PLXNA4: variants seen among roughly 807,000 people sequenced by gnomAD.
PLXNA4 encodes plexin A4, also known as plexin-A4.
PLXNA4 carries 44 observed loss-of-function variants against 191.8 expected under a neutral mutation model. The observed-to-expected ratio is 0.23, with a 90% CI of 0.18 to 0.29. PLXNA4 has a LOEUF of 0.29. Among genes scored for constraint, PLXNA4 ranks in the 10% least tolerant of loss-of-function variants. The pLI, the probability that PLXNA4 is intolerant of heterozygous loss-of-function variation, is 1.00. For missense variants in PLXNA4, 1,800 were observed against 2,488.8 expected (o/e 0.72, Z 5.89); for synonymous variants, 1,082 against 1,009.5 (o/e 1.07, Z -1.36).
At chr7:132,527,209 C>T (rs1799432483) in intron 1 of PLXNA4, among the ~76,000 whole-genome samples, 1 of 152,138 alleles carries the variant, frequency 6.6e-6, no homozygotes, top group African/African-American at 2.4e-5. Context: ...AATCTTTAGA[C>T]AAGAGCTGAG....
chr7:132,482,270 G>A (rs964096005), intron 3 of PLXNA4, among the ~76,000 whole-genome samples: 1 of 152,182 alleles, frequency 6.6e-6, no homozygotes, highest in African/African-American at 2.4e-5. Context: ...AAAAGACAAT[G>A]GCTTGCACCT....
intron 3 of PLXNA4, 52 bp from the exon 4 acceptor site, chr7:132,298,274 C>T: frequency 1.3e-6 from 2 of 1,564,150 alleles, no homozygotes; most frequent in Non-Finnish European, 1.7e-6. Context: ...GCACTGCCCA[C>T]AGCCAAACTT....
intron 1 of PLXNA4, among the ~76,000 whole-genome samples, chr7:132,564,850 G>A (rs748514347): frequency 1.1e-4 from 17 of 151,982 alleles, no homozygotes; most frequent in South Asian, 2.1e-4. Context: ...AGATCCCCCC[G>A]GGGACCCAGG....
intron 1 of PLXNA4, among the ~76,000 whole-genome samples, chr7:132,575,962 G>A (rs956305087): frequency 6.6e-6 from 1 of 152,132 alleles, no homozygotes; most frequent in African/African-American, 2.4e-5. Flanking sequence ...AAATCCCAGG[G>A]TGTCCAAAGG....
rs530157062 is a variant in PLXNA4 at position 132,214,546 on chromosome 7, T to A, written c.2098-3403A>T. ...CATGAAGGGACCACTTCCACCACCCTGCCCCTTCCTCCCACCCCAGCATCC... is the reference window on the plus strand; with the variant it reads ...CATGAAGGGACCACTTCCACCACCCAGCCCCTTCCTCCCACCCCAGCATCC... On this transcript the variant is annotated intron_variant, in intron 9 of 31. Transcript: ENST00000321063. Among the ~76,000 whole-genome samples, 9 of 152,160 alleles carry A rather than the reference T, an allele frequency of 5.9e-5. No individual in the cohort carries two copies. In the East Asian group the frequency reaches 1.6e-3, roughly 26 times the overall value.
intron 4 of PLXNA4, among the ~76,000 whole-genome samples, chr7:132,272,567 C>T (rs913248138): frequency 4.6e-5 from 7 of 152,170 alleles, no homozygotes; most frequent in African/African-American, 1.4e-4. Context: ...TAAATCAAGT[C>T]AGTTGGTCTC....
chr7:132,123,773 C>T lies in PLXNA4; in HGVS notation c.*6706G>A, dbSNP rs185000981. 4.6e-5 allele frequency: 7 copies of T among 152,296 alleles called. No individual in the cohort carries two copies. In the East Asian group the frequency reaches 1.4e-3, roughly 29 times the overall value. The allele number at this position is 152,296 out of a possible 1,614,324, so 9.4% of individuals were successfully genotyped here. A position where few individuals can be genotyped will look rare whatever the true frequency, so the allele number is the denominator to read the frequency against. On this transcript the variant is annotated 3_prime_UTR_variant, in exon 32 of 32. Coordinates refer to ENST00000321063, the MANE Select transcript of PLXNA4 (RefSeq NM_020911.2). ...CTGGAACAGAGATAACCTGCCCTAC[C>T]TCCTTCAACGGCTTCTCTATGTGAC...
At chr7:132,420,192 T>C (rs1352998303) in intron 3 of PLXNA4, among the ~76,000 whole-genome samples, 1 of 152,220 alleles carries the variant, frequency 6.6e-6, no homozygotes, top group Non-Finnish European at 1.5e-5. Flanking sequence ...TATTAGAGCA[T>C]GAATTCTAAT....
At chr7:132,312,052 G>A (rs1286427227) in intron 3 of PLXNA4, among the ~76,000 whole-genome samples, 1 of 151,510 alleles carries the variant, frequency 6.6e-6, no homozygotes, top group Non-Finnish European at 1.5e-5. Context: ...AGCCACCCCC[G>A]CCCTCAGTTG....
chr7:132,542,893 T>A (rs557015285), intron 1 of PLXNA4, among the ~76,000 whole-genome samples: 2 of 152,330 alleles, frequency 1.3e-5, no homozygotes, highest in African/African-American at 4.8e-5. Flanking sequence ...CCAAAACTTG[T>A]AATCTTGTCT....
At chr7:132,625,709 A>G (rs922134691) in intron 2 of PLXNA4, among the ~76,000 whole-genome samples, 6 of 152,210 alleles carry the variant, frequency 3.9e-5, no homozygotes, top group African/African-American at 1.4e-4. Flanking sequence ...TTTTCATACT[A>G]TCACTGCAAA....
Position 132,145,211 on chromosome 7 carries a change from C to T in PLXNA4, c.5133G>A (p.Leu1711=), listed in dbSNP as rs756921314. Residue 1711 remains leucine (L), a synonymous_variant, in exon 29 of 32, where the codon CTG becomes CTA. Coordinates refer to ENST00000321063, the MANE Select transcript of PLXNA4 (RefSeq NM_020911.2). Reference sequence around the variant, plus strand: ...GGAAGTCAAACATGTACTTGATGGCCAGGGGCAGGGCAGAGCCACGGTGTG... The same window carrying T: ...GGAAGTCAAACATGTACTTGATGGCTAGGGGCAGGGCAGAGCCACGGTGTG... ...STAHRGSALP[L]AIKYMFDFLD... The T allele has an allele frequency of 6.2e-6, 10 of 1,614,206 alleles. No individual in the cohort carries two copies. The Admixed American group carries it at 6.7e-5, about 11-fold the overall frequency.
At chr7:132,489,607 GA>G in intron 2 of PLXNA4, 133 bp from the exon 3 acceptor site, 1 of 849,882 alleles carries the variant, frequency 1.2e-6, no homozygotes. Flanking sequence ...TTTTTTACAT[GA>G]AAAACGTCAC....
intron 26 of PLXNA4, 32 bp from the exon 27 acceptor site, chr7:132,148,031 A>ACAG: frequency 6.2e-7 from 1 of 1,614,004 alleles, no homozygotes; most frequent in Non-Finnish European, 8.5e-7. Context: ...GGGCCTAGGC[A>ACAG]CAGCAGCTCT....
intron 2 of PLXNA4, among the ~76,000 whole-genome samples, chr7:132,606,606 T>C (rs1264173263): frequency 6.6e-6 from 1 of 152,170 alleles, no homozygotes; most frequent in East Asian, 1.9e-4. Context: ...CCCTAATCCA[T>C]CAATTGCATT....
At chr7:132,254,380 T>G (rs1799359676) in intron 4 of PLXNA4, among the ~76,000 whole-genome samples, 2 of 152,100 alleles carry the variant, frequency 1.3e-5, no homozygotes, top group Admixed American at 1.3e-4. Context: ...TAAACAATTG[T>G]GAGGGTGAGT....
In PLXNA4 at chr7:132,458,464, C is replaced by T. The variant is rs186132133; in HGVS notation, c.1371+30828G>A. Among the ~76,000 whole-genome samples the T allele has an allele frequency of 7.2e-5, 11 of 151,986 alleles. No individual in the cohort carries two copies. In the South Asian group the frequency reaches 1.7e-3, roughly 23 times the overall value. ...AGTCAATGTTGGTGTACCCACACAA[C>T]GGAATGCTACACAGCAATAAGAATG... On this transcript the variant is annotated intron_variant, in intron 3 of 31. Coordinates refer to ENST00000321063, the MANE Select transcript of PLXNA4 (RefSeq NM_020911.2).
At chr7:132,320,506 C>A (rs957009837) in intron 3 of PLXNA4, among the ~76,000 whole-genome samples, 1 of 152,242 alleles carries the variant, frequency 6.6e-6, no homozygotes, top group Non-Finnish European at 1.5e-5. Context: ...GCACAAGTAT[C>A]AGAAGTTGGG....
chr7:132,535,908 T>C (rs1245543696), intron 1 of PLXNA4, among the ~76,000 whole-genome samples: 3 of 152,144 alleles, frequency 2.0e-5, no homozygotes, highest in African/African-American at 7.2e-5. Flanking sequence ...TTATTACCTA[T>C]TAGACAGAGG....
Sources: gnomAD v4.1 joint callset for allele counts (sites outside exome capture counted in the v4.1 genomes callset) on GRCh38, gnomAD v4.1.1 for gene constraint, MANE v1.5 for transcripts, NCBI Gene and HGNC (gene_info 2026-07-23, HGNC 2026-07-21) for gene names.